Variants in TLN2 observed in about 807,000 individuals in gnomAD.
TLN2 encodes the protein talin 2.
A neutral mutation model predicts 294.7 loss-of-function variants in TLN2; 118 were observed. The observed-to-expected ratio is 0.40, with a 90% CI of 0.34 to 0.47. The LOEUF is 0.47. Ranked by LOEUF, TLN2 falls within the 20% of genes least tolerant of loss-of-function variation. The probability of loss-of-function intolerance (pLI) is 0.84; values close to 1 mark genes in which losing one functional copy is unlikely to be tolerated. For missense variants in TLN2, 3,083 were observed against 3,282.2 expected (o/e 0.94, Z 1.48); for synonymous variants, 1,431 against 1,304.5 (o/e 1.10, Z -2.09).
intron 3 of TLN2, among the ~76,000 whole-genome samples, chr15:62,643,025 T>C (rs949147030): frequency 3.9e-5 from 6 of 152,260 alleles, no homozygotes; most frequent in East Asian, 1.9e-4. Context: ...CTTTTTGCTA[T>C]AGGGTAAGTC....
chr15:62,591,849 A>G (rs1295162510), intron 2 of TLN2, among the ~76,000 whole-genome samples: 2 of 152,128 alleles, frequency 1.3e-5, no homozygotes, highest in Middle Eastern at 3.2e-3. Flanking sequence ...GATGGAGAAG[A>G]GCTTTCCTGA....
Position 62,766,359 on chromosome 15 carries a change from C to A in TLN2, c.5133C>A (p.Ile1711=), listed in dbSNP as rs139582651. Residue 1711 remains isoleucine, a synonymous_variant, in exon 41 of 59, where the codon ATC becomes ATA. Coordinates refer to ENST00000636159, the MANE Select transcript of TLN2 (RefSeq NM_015059.3). ...AGCTGACTTCGGTGGTCCAGGAAAT[C>A]GGACACCTTATCGATCCCATCGCCA... The part of the protein sequence containing the change: ...QEQLTSVVQE[I]GHLIDPIATA... The A allele has an allele frequency of 6.2e-7, 1 of 1,613,346 alleles. No individual in the cohort carries two copies. The highest frequency in any genetic ancestry group is 8.5e-7 in the Non-Finnish European group (1 of 1,179,414).
At chr15:62,598,636 G>T (rs1369189090) in intron 2 of TLN2, among the ~76,000 whole-genome samples, 1 of 151,890 alleles carries the variant, frequency 6.6e-6, no homozygotes, top group East Asian at 1.9e-4. Context: ...TGTAAGTCAA[G>T]TACATTTGAT....
chr15:62,708,599 G>T lies in TLN2; in HGVS notation c.2270G>T (p.Cys757Phe), dbSNP rs763605191. 6.2e-7 allele frequency: 1 copy of T among 1,614,230 alleles called. No homozygotes were observed. The highest frequency in any genetic ancestry group is 2.2e-5 in the East Asian group (1 of 44,894). The change falls in exon 21 of 59, where the codon TGC becomes TTC. Residue 757 changes from cysteine to phenylalanine, a missense_variant. Coordinates refer to ENST00000636159, the MANE Select transcript of TLN2 (RefSeq NM_015059.3). ...DRSVENCVRA[C>F]QAATTDSELL... ...TCGGTGGAGAACTGTGTCCGTGCCT[G>T]CCAGGCGGCCACTACCGATAGTGAG...
chr15:62,565,316 A>G (rs2043305223), intron 1 of TLN2, among the ~76,000 whole-genome samples: 1 of 152,234 alleles, frequency 6.6e-6, no homozygotes, highest in Admixed American at 6.5e-5. Flanking sequence ...TAGAAGATAT[A>G]GGGACAATTT....
intron 44 of TLN2, among the ~76,000 whole-genome samples, chr15:62,781,735 G>C (rs139087347): frequency 3.1e-4 from 47 of 152,176 alleles, no homozygotes; most frequent in African/African-American, 1.1e-3. Flanking sequence ...AAATGAAACA[G>C]TATGGTTATG....
intron 2 of TLN2, among the ~76,000 whole-genome samples, chr15:62,608,021 G>A (rs997021397): frequency 6.6e-6 from 1 of 152,206 alleles, no homozygotes; most frequent in Non-Finnish European, 1.5e-5. Flanking sequence ...CGAAGGACAT[G>A]TGTTGTATCT....
At chr15:62,811,282 C>G (rs1348691502) in intron 52 of TLN2, among the ~76,000 whole-genome samples, 1 of 152,122 alleles carries the variant, frequency 6.6e-6, no homozygotes, top group African/African-American at 2.4e-5. Flanking sequence ...AGTCTGAACC[C>G]TTGTAAATAG....
At chr15:62,785,698 A>G (rs1311092372) in intron 45 of TLN2, among the ~76,000 whole-genome samples, 1 of 150,464 alleles carries the variant, frequency 6.6e-6, no homozygotes, top group Admixed American at 6.6e-5. Flanking sequence ...GGAGGTTTGG[A>G]TATCTGTCCA....
intron 11 of TLN2, among the ~76,000 whole-genome samples, chr15:62,683,531 CCGCCTCT>C (rs1271554673): frequency 7.0e-6 from 1 of 143,080 alleles, no homozygotes; most frequent in African/African-American, 2.6e-5. Flanking sequence ...CTGCATTCTC[CCGCCTCT>C]CATTGGTAGA....
chr15:62,585,324 A>T (rs2045502135), intron 1 of TLN2, among the ~76,000 whole-genome samples: 1 of 152,208 alleles, frequency 6.6e-6, no homozygotes, highest in African/African-American at 2.4e-5. Context: ...TATTAGGTGT[A>T]TCATTTACCA....
chr15:62,489,954 G>C (rs2038617990), intron 1 of TLN2, among the ~76,000 whole-genome samples: 1 of 152,222 alleles, frequency 6.6e-6, no homozygotes, highest in Admixed American at 6.5e-5. Flanking sequence ...GTCCAACTCA[G>C]TGAAAGAACC....
In TLN2 at chr15:62,544,544, A is replaced by G. The variant is rs561067731; in HGVS notation, c.-237-45143A>G. On this transcript the variant is annotated intron_variant, in intron 1 of 58. Coordinates refer to ENST00000636159, the MANE Select transcript of TLN2 (RefSeq NM_015059.3). ...GGATCATGCTTTCCTGAAAAAACAG[A>G]CAGATTCCATAGTCTTTTAAAGGTT... 7.2e-5 allele frequency among the ~76,000 whole-genome samples: 11 copies of G among 152,298 alleles called. No homozygotes were observed. In the East Asian group the frequency reaches 1.9e-3, roughly 27 times the overall value.
chr15:62,799,584 G>A (rs2065782740), intron 48 of TLN2, among the ~76,000 whole-genome samples: 1 of 152,238 alleles, frequency 6.6e-6, no homozygotes, highest in African/African-American at 2.4e-5. Flanking sequence ...CCTGCTGGGT[G>A]CTCATCCCTG....
At position 62,551,866 on chromosome 15, in the gene TLN2, C is replaced by T. The variant is rs536940547; in HGVS notation, c.-237-37821C>T. The stretch of plus-strand genomic sequence containing the variant: ...TGAATTCATTAGTTAAGTTTGAGAA[C>T]AAGGGGCCACCTAGCAATAAAGTAT... On this transcript the variant is annotated intron_variant, in intron 1 of 58. Transcript: ENST00000636159. 2.0e-5 allele frequency among the ~76,000 whole-genome samples: 3 copies of T among 152,314 alleles called. No homozygotes were observed. The South Asian group carries it at 6.2e-4, about 32-fold the overall frequency.
At chr15:62,716,939 G>GT (rs67019375) in intron 23 of TLN2, among the ~76,000 whole-genome samples, 126 of 148,330 alleles carry the variant, frequency 8.5e-4, no homozygotes, top group African/African-American at 3.0e-3. Flanking sequence ...CAAAAACTAT[G>GT]TTTTTTTTTT....
chr15:62,767,704 T>C (rs2063103408), intron 41 of TLN2, among the ~76,000 whole-genome samples: 1 of 152,238 alleles, frequency 6.6e-6, no homozygotes, highest in African/African-American at 2.4e-5. Flanking sequence ...TCCGTCTGTC[T>C]GAAGAGGTTT....
intron 44 of TLN2, among the ~76,000 whole-genome samples, chr15:62,782,067 C>T (rs2064223474): frequency 6.6e-6 from 1 of 152,182 alleles, no homozygotes; most frequent in African/African-American, 2.4e-5. Flanking sequence ...TGATACTTGC[C>T]ACATAAGCCT....
At position 62,639,500 on chromosome 15, in the gene TLN2, A is replaced by G. The variant is rs981653063; in HGVS notation, c.-36-7775A>G. Reference sequence around the variant, plus strand: ...TCATTTCTAGTTGAAGTGTTCAAACAGTAGTCCTGGCATCTCTTGCCTCCA... The same window carrying G: ...TCATTTCTAGTTGAAGTGTTCAAACGGTAGTCCTGGCATCTCTTGCCTCCA... On this transcript the variant is annotated intron_variant, in intron 3 of 58. Transcript: ENST00000636159. Among the ~76,000 whole-genome samples the G allele has an allele frequency of 2.3e-4, 35 of 152,234 alleles. 1 individual carries two copies.
Sources: allele counts gnomAD v4.1 joint callset (sites outside exome capture counted in the v4.1 genomes callset), GRCh38; gene constraint gnomAD v4.1.1; transcripts MANE v1.5; gene names NCBI Gene and HGNC (gene_info 2026-07-23, HGNC 2026-07-21).